ADGRE1: variants seen among roughly 807,000 people sequenced by gnomAD.
ADGRE1 encodes the protein EGF-like module receptor 1.
ADGRE1 carries 82 observed loss-of-function variants against 102.7 expected under a neutral mutation model. The ratio of observed to expected loss-of-function variants is 0.80; its 90% CI spans 0.67 to 0.96. ADGRE1 has a LOEUF of 0.96. ADGRE1 is among the 40% of genes least tolerant of loss of function. The probability of loss-of-function intolerance (pLI) is 0.00; values close to 1 mark genes in which losing one functional copy is unlikely to be tolerated. For synonymous variants in ADGRE1, 398 were observed against 399.6 expected (o/e 1.00, Z 0.05); for missense variants, 1,032 against 1,085.3 (o/e 0.95, Z 0.69).
rs973107666 is a variant in ADGRE1 at position 6,922,934 on chromosome 19, G to A, written c.1791+1051G>A. Reference sequence around the variant, plus strand: ...CTACTAAAAATACAAAAAATTAGCCGGGCGTGGTGGCGGGCACCTGCAGTC... The same window carrying A: ...CTACTAAAAATACAAAAAATTAGCCAGGCGTGGTGGCGGGCACCTGCAGTC... On this transcript the variant is annotated intron_variant, in intron 14 of 20. Coordinates refer to ENST00000312053, the MANE Select transcript of ADGRE1 (RefSeq NM_001974.5). Among the ~76,000 whole-genome samples the A allele has an allele frequency of 1.1e-4, 17 of 152,088 alleles. No homozygotes were observed. In the South Asian group the frequency reaches 1.2e-3, roughly 11 times the overall value.
chr19:6,913,611 G>A (rs775717583), intron 10 of ADGRE1, 42 bp from the exon 11 acceptor site: 20 of 1,123,032 alleles, frequency 1.8e-5, no homozygotes, highest in Non-Finnish European at 2.4e-5. Context: ...TTTCATTAAT[G>A]AGAGAGAGAG....
intron 16 of ADGRE1, among the ~76,000 whole-genome samples, 198 bp downstream of exon 16, chr19:6,926,799 C>T (rs1974930329): frequency 6.6e-6 from 1 of 151,758 alleles, no homozygotes; most frequent in African/African-American, 2.4e-5. Flanking sequence ...AGGATCACTA[C>T]TATTTGAGGT....
At chr19:6,923,854 T>TTTTTTTTTTTTTTTTTTTTTTTTTTGAG (rs1555716589) in intron 14 of ADGRE1, among the ~76,000 whole-genome samples, 1 of 150,104 alleles carries the variant, frequency 6.7e-6, no homozygotes, top group Non-Finnish European at 1.5e-5. Flanking sequence ...TCAGTTTTCT[T>TTTTTTTTTTTTTTTTTTTTTTTTTTGAG]AACCACTTTG....
intron 15 of ADGRE1, among the ~76,000 whole-genome samples, chr19:6,925,509 C>G (rs113883431): frequency 0.057 from 8,680 of 152,078 alleles, 420 homozygotes; most frequent in African/African-American, 0.13. Flanking sequence ...GGACATTTTT[C>G]CTTGTCACAA....
intron 5 of ADGRE1, 188 bp downstream of exon 5, chr19:6,897,735 C>A: frequency 4.0e-6 from 2 of 495,140 alleles, no homozygotes; most frequent in Non-Finnish European, 6.2e-6. Flanking sequence ...TCTTTACATG[C>A]TAGGTAGGTC....
At chr19:6,925,913 G>A (rs1343916881) in intron 15 of ADGRE1, among the ~76,000 whole-genome samples, 1 of 151,836 alleles carries the variant, frequency 6.6e-6, no homozygotes, top group Non-Finnish European at 1.5e-5. Context: ...GCCCAGTCTG[G>A]TCTCAAACTC....
At chr19:6,912,426 T>A (rs930911397) in intron 10 of ADGRE1, among the ~76,000 whole-genome samples, 3 of 152,202 alleles carry the variant, frequency 2.0e-5, no homozygotes, top group Non-Finnish European at 4.4e-5. Context: ...AGCCTCTACT[T>A]CATAGATATC....
intron 1 of ADGRE1, among the ~76,000 whole-genome samples, chr19:6,888,574 C>A (rs140439534): frequency 6.6e-5 from 10 of 152,068 alleles, no homozygotes; most frequent in Admixed American, 5.9e-4. Flanking sequence ...CCTATTTTAC[C>A]AAGGAGGAAA....
chr19:6,888,175 A>G (rs1397167185), intron 1 of ADGRE1, among the ~76,000 whole-genome samples: 2 of 152,230 alleles, frequency 1.3e-5, no homozygotes, highest in Non-Finnish European at 2.9e-5. Flanking sequence ...CAAGCCAGAC[A>G]GTCTGACTTC....
chr19:6,934,222 G>A (rs544361864), intron 17 of ADGRE1, among the ~76,000 whole-genome samples: 9 of 152,136 alleles, frequency 5.9e-5, no homozygotes, highest in South Asian at 2.1e-4. Flanking sequence ...AACTAGGAGC[G>A]GGGTATCCTG....
At chr19:6,893,035 A>G (rs1005983339) in intron 2 of ADGRE1, among the ~76,000 whole-genome samples, 3 of 152,008 alleles carry the variant, frequency 2.0e-5, no homozygotes, top group African/African-American at 4.8e-5. Context: ...CTCTACCTCC[A>G]TTAGATAATG....
intron 10 of ADGRE1, among the ~76,000 whole-genome samples, chr19:6,912,360 C>T (rs962540615): frequency 1.3e-5 from 2 of 152,162 alleles, no homozygotes; most frequent in African/African-American, 4.8e-5. Flanking sequence ...GTGGTTCTTC[C>T]ACCTGCTAGA....
intron 14 of ADGRE1, among the ~76,000 whole-genome samples, chr19:6,922,610 TCTCACACACACA>T (rs1265411188): frequency 0.019 from 2,327 of 119,964 alleles, 60 homozygotes; most frequent in African/African-American, 0.064. Context: ...TGAGACTCTG[TCTCACACACACA>T]CACACACACA....
intron 17 of ADGRE1, 47 bp from the exon 18 acceptor site, chr19:6,934,940 G>A (rs774719848): frequency 4.2e-5 from 59 of 1,390,518 alleles, no homozygotes; most frequent in Admixed American, 6.5e-5. Context: ...TCTGGCCCTT[G>A]TCTATTTGTA....
In ADGRE1 at chr19:6,916,276, A is replaced by C. The variant is rs770328071; in HGVS notation, c.1328A>C (p.Glu443Ala). 1 of 1,613,236 alleles carries C rather than the reference A, an allele frequency of 6.2e-7. No homozygotes were observed. Among genetic ancestry groups the C allele is most frequent in the Non-Finnish European group, 8.5e-7 (1 of 1,179,560 alleles). Residue 443 changes from glutamate to alanine, a missense_variant, in exon 12 of 21, where the codon GAA becomes GCA. Coordinates refer to ENST00000312053, the MANE Select transcript of ADGRE1 (RefSeq NM_001974.5). ...ATTGAGAGCAAAGTTATCAACAAAG[A>C]ATGCAGTGAAGAGAATGTGACGTTG... Reference protein sequence around the residue: ...LDIESKVINKECSEENVTLDL... With the variant: ...LDIESKVINKACSEENVTLDL...
chr19:6,902,171 C>A, intron 6 of ADGRE1, 150 bp downstream of exon 6: 1 of 1,065,714 alleles, frequency 9.4e-7, no homozygotes, highest in East Asian at 2.4e-5. Flanking sequence ...AGAAATACCT[C>A]TTGAGCACTT....
chr19:6,916,304 C>G lies in ADGRE1; in HGVS notation c.1356C>G (p.Asp452Glu), dbSNP rs1479114771. 2 of 1,613,592 alleles carry G rather than the reference C, an allele frequency of 1.2e-6. No individual in the cohort carries two copies. The highest frequency in any genetic ancestry group is 1.7e-6 in the Non-Finnish European group (2 of 1,179,678). ...GCAGTGAAGAGAATGTGACGTTGGA[C>G]TTGGTAGCCAAGGGGGATAAGATGA... is the stretch of plus-strand genomic sequence containing the variant. ...KECSEENVTL[D>E]LVAKGDKMKI... Residue 452 changes from aspartate (D) to glutamate (E), a missense_variant, in exon 12 of 21, where the codon GAC becomes GAG. Asp to Glu is a conservative substitution (Grantham distance 45, BLOSUM62 2). Transcript: ENST00000312053.
intron 8 of ADGRE1, 122 bp downstream of exon 8, chr19:6,904,304 T>C (rs1173021651): frequency 7.1e-6 from 9 of 1,263,704 alleles, no homozygotes; most frequent in Non-Finnish European, 9.6e-6. Flanking sequence ...ATTCTGTTTC[T>C]TTTTCTTCTT....
intron 2 of ADGRE1, 125 bp from the exon 3 acceptor site, chr19:6,896,273 C>A: frequency 3.3e-6 from 3 of 908,100 alleles, no homozygotes; most frequent in Non-Finnish European, 1.7e-6. Flanking sequence ...AGGACTGTAA[C>A]GTATCTTTTG....
Sources: gnomAD v4.1 joint callset for allele counts (sites outside exome capture counted in the v4.1 genomes callset) on GRCh38, gnomAD v4.1.1 for gene constraint, MANE v1.5 for transcripts, NCBI Gene and HGNC (gene_info 2026-07-23, HGNC 2026-07-21) for gene names.